Variants in TMEM47 observed in about 807,000 individuals in gnomAD.
TMEM47 encodes brain cell membrane protein 1.
A neutral mutation model predicts 12.4 loss-of-function variants in TMEM47; 3 were observed. The ratio of observed to expected loss-of-function variants is 0.24; its 90% confidence interval spans 0.11 to 0.63. The LOEUF (loss-of-function observed/expected upper bound fraction) is 0.63. Ranked by LOEUF, TMEM47 falls within the 20% of genes least tolerant of loss-of-function variation. The pLI is 0.86. For missense variants in TMEM47, 89 were observed against 143.8 expected, an observed-to-expected ratio of 0.62 and a Z score of 1.95; for synonymous variants, 62 against 63.3, an observed-to-expected ratio of 0.98 and a Z score of 0.10.
chrX:34,631,948 A>C (rs1423961004), intron 2 of TMEM47, among the ~76,000 whole-genome samples: 1 of 111,772 alleles, frequency 8.9e-6, no homozygotes, highest in Non-Finnish European at 1.9e-5. Context: ...TTCCCTAAAA[A>C]ATACAGAGTA....
intron 2 of TMEM47, among the ~76,000 whole-genome samples, chrX:34,638,319 G>A (rs937064577): frequency 2.7e-5 from 3 of 111,544 alleles, no homozygotes; most frequent in African/African-American, 9.8e-5. Context: ...ATTCTGACCA[G>A]CCTTCATGGG....
At chrX:34,630,588 C>G (rs1458139779) in intron 2 of TMEM47, 97 bp from the exon 3 acceptor site, 11 of 851,947 alleles carry the variant, frequency 1.3e-5, no homozygotes, top group Non-Finnish European at 1.6e-5. Flanking sequence ...ACTTTGTAAT[C>G]AAATATACAT....
intron 1 of TMEM47, among the ~76,000 whole-genome samples, chrX:34,647,471 G>C (rs886665748): frequency 9.0e-6 from 1 of 111,341 alleles, no homozygotes; most frequent in Non-Finnish European, 1.9e-5. Flanking sequence ...TAGAGACAAA[G>C]GTGTTATAGA....
At chrX:34,632,839 T>G (rs1921649818) in intron 2 of TMEM47, among the ~76,000 whole-genome samples, 1 of 112,060 alleles carries the variant, frequency 8.9e-6, no homozygotes, top group African/African-American at 3.2e-5. Flanking sequence ...GTTGGCTCTT[T>G]GCCTTTGTGA....
chrX:34,639,151 A>G, intron 2 of TMEM47, 96 bp downstream of exon 2: 1 of 996,639 alleles, frequency 1.0e-6, no homozygotes, highest in Non-Finnish European at 1.3e-6. Flanking sequence ...TTTTTACGTA[A>G]TGCAGCAAAC....
At chrX:34,656,701 G>A (rs1922115322) in intron 1 of TMEM47, 103 bp downstream of exon 1, 3 of 1,115,226 alleles carry the variant, frequency 2.7e-6, no homozygotes, top group Non-Finnish European at 3.5e-6. Context: ...ACGGGCCAGG[G>A]CAGAGGATGC....
At position 34,630,434 on chromosome X, in the gene TMEM47, C is replaced by T; in HGVS notation, c.425G>A (p.Ser142Asn). ...LYPIKFIETV[S>N]LKIYHEFNWG... ...GTTGAACTCATGGTAAATTTTCAAGCTCACAGTTTCAATGAACTTGATTGG... is the reference window on the plus strand; with the variant it reads ...GTTGAACTCATGGTAAATTTTCAAGTTCACAGTTTCAATGAACTTGATTGG... The change falls in exon 3 of 3, where the codon AGC becomes AAC. Residue 142 changes from serine to asparagine, a missense_variant. Transcript: ENST00000275954. 1 of 1,210,754 alleles carries T rather than the reference C, an allele frequency of 8.3e-7. No individual in the cohort carries two copies. The highest frequency in any genetic ancestry group is 1.1e-6 in the Non-Finnish European group (1 of 894,905).
At chrX:34,639,524 T>C in intron 1 of TMEM47, 137 bp from the exon 2 acceptor site, 1 of 643,146 alleles carries the variant, frequency 1.6e-6, no homozygotes, top group Non-Finnish European at 2.3e-6. Flanking sequence ...GGGTTTGAAA[T>C]GTTTTGCAAC....
At chrX:34,651,917 T>C (rs1369332633) in intron 1 of TMEM47, among the ~76,000 whole-genome samples, 1 of 112,589 alleles carries the variant, frequency 8.9e-6, no homozygotes, top group African/African-American at 3.2e-5. Context: ...GCAGAGATTT[T>C]ACTACTTAAA....
At position 34,650,858 on chromosome X, in the gene TMEM47, A is replaced by C. The variant is rs550189797; in HGVS notation, c.226+5946T>G. 1.6e-3 allele frequency among the ~76,000 whole-genome samples: 179 copies of C among 111,748 alleles called. 3 individuals are homozygous for C. The highest frequency in any genetic ancestry group is 1.9e-3 in the Admixed American group (20 of 10,540). On this transcript the variant is annotated intron_variant, in intron 1 of 2. Transcript: ENST00000275954. ...TCGAGTTCATTCCATCTCATATCCA[A>C]AGTACAAGTAACCAGTCATTAAAGC... is the stretch of plus-strand genomic sequence containing the variant.
chrX:34,657,108 G>C lies in TMEM47; in HGVS notation c.-79C>G. On this transcript the variant is annotated 5_prime_UTR_variant, in exon 1 of 3. Transcript: ENST00000275954. The stretch of plus-strand genomic sequence containing the variant: ...CGGAGAGCCGGGAGCCGGACCTCCC[G>C]AAGGGAGAAGCCGCCGAGCTGCCAC... 1 of 1,060,704 alleles carries C rather than the reference G, an allele frequency of 9.4e-7. No individual in the cohort carries two copies. Among genetic ancestry groups the C allele is most frequent in the East Asian group, 3.7e-5 (1 of 26,749 alleles). 87.4% of individuals were successfully genotyped at this position (1,060,704 alleles called of 1,213,427 possible).
Position 34,628,844 on chromosome X carries a change from T to G in TMEM47, c.*1469A>C, listed in dbSNP as rs1238727620. 1 of 112,230 alleles carries G rather than the reference T, an allele frequency of 8.9e-6. No individual in the cohort carries two copies. Among genetic ancestry groups the G allele is most frequent in the Non-Finnish European group, 1.9e-5 (1 of 53,172 alleles). The allele number at this position is 112,230 out of a possible 1,213,427, so 9.2% of individuals were successfully genotyped here. ...TATAAAAATATGTTTATAATTAAGC[T>G]ATCCAAATTTGTATATTAAACAGAA... On this transcript the variant is annotated 3_prime_UTR_variant, in exon 3 of 3. Coordinates refer to ENST00000275954, the MANE Select transcript of TMEM47 (RefSeq NM_031442.4).
rs72626893 is a variant in TMEM47, at chrX:34,645,496, T to G, written c.227-6109A>C. 7.2e-5 allele frequency among the ~76,000 whole-genome samples: 8 copies of G among 111,664 alleles called. No homozygotes were observed. The East Asian group carries it at 1.7e-3, about 24-fold the overall frequency. ...CCTAACTACTTCTAAAGGTATCAAA[T>G]GATCTACTTAACTTTTAAAAGTTAG... On this transcript the variant is annotated intron_variant, in intron 1 of 2. Transcript: ENST00000275954.
At chrX:34,648,747 A>G (rs1259132613) in intron 1 of TMEM47, among the ~76,000 whole-genome samples, 1 of 112,235 alleles carries the variant, frequency 8.9e-6, no homozygotes, top group Non-Finnish European at 1.9e-5. Flanking sequence ...GAAACTATCA[A>G]CAGAGTACAC....
At chrX:34,643,364 A>T (rs4397576) in intron 1 of TMEM47, among the ~76,000 whole-genome samples, 15,266 of 110,383 alleles carry the variant, frequency 0.14, 1,037 homozygotes, top group East Asian at 0.47. Flanking sequence ...TTATAGTAAT[A>T]TTATAAGAGA....
chrX:34,645,723 A>G (rs1463830923), intron 1 of TMEM47, among the ~76,000 whole-genome samples: 1 of 111,855 alleles, frequency 8.9e-6, no homozygotes, highest in Admixed American at 9.5e-5. Flanking sequence ...CTTTTATTAA[A>G]ACTGGTATCA....
At chrX:34,653,232 A>G (rs1292993762) in intron 1 of TMEM47, among the ~76,000 whole-genome samples, 1 of 112,117 alleles carries the variant, frequency 8.9e-6, no homozygotes, top group African/African-American at 3.2e-5. Flanking sequence ...TTCACCTGTT[A>G]TTAGCATATG....
At chrX:34,632,997 C>G (rs765105161) in intron 2 of TMEM47, among the ~76,000 whole-genome samples, 1 of 110,601 alleles carries the variant, frequency 9.0e-6, no homozygotes, top group South Asian at 3.8e-4. Flanking sequence ...ATACTCTGTT[C>G]ACTCGTCAAA....
intron 2 of TMEM47, among the ~76,000 whole-genome samples, chrX:34,636,983 T>G (rs1921728663): frequency 8.9e-6 from 1 of 112,038 alleles, no homozygotes; most frequent in Admixed American, 9.5e-5. Flanking sequence ...GATGTACAAC[T>G]TACTAGTTAA....
Sources: allele counts gnomAD v4.1 joint callset (sites outside exome capture counted in the v4.1 genomes callset), GRCh38; gene constraint gnomAD v4.1.1; transcripts MANE v1.5; gene names NCBI Gene and HGNC (gene_info 2026-07-23, HGNC 2026-07-21).